UTP6: variants seen among roughly 807,000 people sequenced by gnomAD.
UTP6 encodes the protein U3 small nucleolar RNA-associated protein 6 homolog.
UTP6 carries 60 observed loss-of-function variants against 96.5 expected under a neutral mutation model. The ratio of observed to expected loss-of-function variants is 0.62; its 90% CI spans 0.51 to 0.77. The LOEUF is 0.77. Among genes scored for constraint, UTP6 ranks in the 30% least tolerant of loss-of-function variants. The pLI, the probability that UTP6 is intolerant of heterozygous loss-of-function variation, is 0.00. For synonymous variants in UTP6, 215 were observed against 240.1 expected, an observed-to-expected ratio of 0.90 and a Z score of 0.96; for missense variants, 637 against 706.5, an observed-to-expected ratio of 0.90 and a Z score of 1.12.
rs924503544 is a variant in UTP6, at chr17:31,892,663, G to A, written c.360+84C>T. 8.9e-6 allele frequency: 14 copies of A among 1,565,832 alleles called. No individual in the cohort carries two copies. In the African/African-American group the frequency reaches 1.5e-4, roughly 17 times the overall value. ...TTTTTCATGTTAACCCTACACTTCA[G>A]GAAAAAACATCTGGCATGAAGCTTA... On this transcript the variant is annotated intron_variant, in intron 5 of 18. Transcript: ENST00000261708.
At chr17:31,865,574 A>C in intron 17 of UTP6, 136 bp from the exon 18 acceptor site, 3 of 788,016 alleles carry the variant, frequency 3.8e-6, no homozygotes, top group African/African-American at 1.8e-5. Flanking sequence ...CTTGGCTCTC[A>C]ACTTTTCTAG....
chr17:31,877,950 G>T (rs1289888090), intron 13 of UTP6, among the ~76,000 whole-genome samples: 1 of 144,780 alleles, frequency 6.9e-6, no homozygotes, highest in Non-Finnish European at 1.5e-5. Flanking sequence ...CTGGGCAACA[G>T]AGTGAAACTC....
intron 13 of UTP6, among the ~76,000 whole-genome samples, chr17:31,877,470 G>T (rs1910560688): frequency 6.6e-6 from 1 of 152,144 alleles, no homozygotes; most frequent in African/African-American, 2.4e-5. Flanking sequence ...GGTTTGATAT[G>T]TTTCTTCCGA....
intron 7 of UTP6, among the ~76,000 whole-genome samples, chr17:31,888,426 T>C (rs1035535670): frequency 1.3e-5 from 2 of 152,266 alleles, no homozygotes; most frequent in Admixed American, 1.3e-4. Context: ...TGTTTTTCCC[T>C]GGCCGGGCAT....
intron 10 of UTP6, 62 bp from the exon 11 acceptor site, chr17:31,880,816 A>G: frequency 1.3e-6 from 2 of 1,598,306 alleles, no homozygotes; most frequent in East Asian, 2.2e-5. Context: ...AATATCAGAG[A>G]AACAGTTACC....
chr17:31,864,343 C>T (rs1052679055), intron 18 of UTP6, among the ~76,000 whole-genome samples: 10 of 152,070 alleles, frequency 6.6e-5, no homozygotes, highest in African/African-American at 2.2e-4. Flanking sequence ...GGCAAGATTG[C>T]GCCACTGCAC....
chr17:31,888,359 G>A (rs905290772), intron 7 of UTP6: 22 of 152,180 alleles, frequency 1.4e-4, no homozygotes, highest in African/African-American at 4.3e-4. Flanking sequence ...GGAAGGAGGC[G>A]GGGGTTCCAA....
At position 31,887,325 on chromosome 17, in the gene UTP6, A is replaced by T. The variant is rs1224020645; in HGVS notation, c.544-12T>A. 6.2e-7 allele frequency: 1 copy of T among 1,611,182 alleles called. No individual in the cohort carries two copies. The highest frequency in any genetic ancestry group is 8.5e-7 in the Non-Finnish European group (1 of 1,178,156). ...TCCATCCTAAAGTACTACAGAAGAG[A>T]AATAAACTGAAAATCTTTGGAGATG... On this transcript the variant is annotated splice_polypyrimidine_tract_variant and intron_variant, in intron 7 of 18. Coordinates refer to ENST00000261708, the MANE Select transcript of UTP6 (RefSeq NM_018428.3).
intron 16 of UTP6, among the ~76,000 whole-genome samples, chr17:31,872,173 C>A (rs1910212144): frequency 6.7e-6 from 1 of 150,162 alleles, no homozygotes; most frequent in Non-Finnish European, 1.5e-5. Flanking sequence ...CCAGCCTGGG[C>A]AACACAGTGA....
chr17:31,894,516 G>A, intron 4 of UTP6, 129 bp downstream of exon 4: 1 of 651,872 alleles, frequency 1.5e-6, no homozygotes, highest in Non-Finnish European at 2.6e-6. Flanking sequence ...TTTGAGTAAT[G>A]ATACCATCAT....
chr17:31,892,066 C>T (rs917954735), intron 6 of UTP6, 194 bp downstream of exon 6: 5 of 599,974 alleles, frequency 8.3e-6, no homozygotes, highest in South Asian at 2.0e-5. Flanking sequence ...AGATACAACA[C>T]CTAGGACAGT....
At chr17:31,897,621 T>C (rs9916212) in intron 2 of UTP6, among the ~76,000 whole-genome samples, 1 of 151,990 alleles carries the variant, frequency 6.6e-6, no homozygotes, top group Non-Finnish European at 1.5e-5. Context: ...CTAATTTTTG[T>C]ATTTTTAGTA....
chr17:31,864,853 TC>T (rs2142285470), intron 18 of UTP6, among the ~76,000 whole-genome samples: 1 of 151,848 alleles, frequency 6.6e-6, no homozygotes, highest in African/African-American at 2.4e-5. Context: ...GGTCTCAGGC[TC>T]CTGAGAAATC....
intron 1 of UTP6, among the ~76,000 whole-genome samples, chr17:31,901,130 T>C (rs1352376266): frequency 6.6e-6 from 1 of 152,104 alleles, no homozygotes. Flanking sequence ...ATTTATCCAC[T>C]CCCCCTGGGC....
chr17:31,881,181 A>T (rs562243869), intron 10 of UTP6, among the ~76,000 whole-genome samples: 30 of 152,216 alleles, frequency 2.0e-4, no homozygotes, highest in African/African-American at 5.5e-4. Flanking sequence ...AAAAAAAAAA[A>T]AAATATATTT....
chr17:31,868,144 C>G, intron 16 of UTP6, 32 bp from the exon 17 acceptor site: 1 of 1,597,176 alleles, frequency 6.3e-7, no homozygotes, highest in Non-Finnish European at 8.6e-7. Context: ...TTATCTTCAA[C>G]AATGACAAAA....
intron 2 of UTP6, among the ~76,000 whole-genome samples, chr17:31,895,614 A>C (rs1011385794): frequency 2.0e-5 from 3 of 151,954 alleles, no homozygotes; most frequent in Admixed American, 2.0e-4. Context: ...GCTCACTGCA[A>C]CCTCTGCCTC....
rs1399909438 is a variant in UTP6, at chr17:31,894,950, C to A, written c.219+20G>T. 3.2e-6 allele frequency: 5 copies of A among 1,563,488 alleles called. No individual in the cohort carries two copies. Among genetic ancestry groups the A allele is most frequent in the Non-Finnish European group, 4.4e-6 (5 of 1,141,286 alleles). ...TTAGTTCTGTATTTTTCTCCAACTTCTAGAAAATCTTCTACTTACTGTTCT... is the reference window on the plus strand; with the variant it reads ...TTAGTTCTGTATTTTTCTCCAACTTATAGAAAATCTTCTACTTACTGTTCT... On this transcript the variant is annotated intron_variant, in intron 3 of 18. Transcript: ENST00000261708.
At chr17:31,878,404 G>T in intron 12 of UTP6, 77 bp from the exon 13 acceptor site, 1 of 1,404,592 alleles carries the variant, frequency 7.1e-7, no homozygotes, top group Non-Finnish European at 9.9e-7. Context: ...AACAAAAGCA[G>T]TTTTGCGCAT....
Sources: allele counts gnomAD v4.1 joint callset (sites outside exome capture counted in the v4.1 genomes callset), GRCh38; gene constraint gnomAD v4.1.1; transcripts MANE v1.5; gene names NCBI Gene and HGNC (gene_info 2026-07-23, HGNC 2026-07-21).